Variants in GPX5 observed in about 807,000 individuals in gnomAD.
GPX5 encodes the protein glutathione peroxidase 5.
In GPX5, 20 loss-of-function variants were observed where a neutral mutation model predicts 23.8. The observed-to-expected ratio is 0.84, with a 90% CI of 0.59 to 1.22. The LOEUF is 1.22. GPX5 is among the 50% of genes most tolerant of loss of function. The pLI is 0.00. For synonymous variants in GPX5, 92 were observed against 99.5 expected, an observed-to-expected ratio of 0.92 and a Z score of 0.45; for missense variants, 230 against 266.6, an observed-to-expected ratio of 0.86 and a Z score of 0.96.
At position 28,531,867 on chromosome 6, in the gene GPX5, G is replaced by C; in HGVS notation, c.331G>C (p.Asp111His). 6.2e-7 allele frequency: 1 copy of C among 1,613,518 alleles called. No homozygotes were observed. Among genetic ancestry groups the C allele is most frequent in the Non-Finnish European group, 8.5e-7 (1 of 1,179,488 alleles). ...CCAATTTGGAAAGCAAGAACCAGGA[G>C]ATAACAAAGAGATTCTTCCTGGGCT... is the stretch of plus-strand genomic sequence containing the variant. ...CNQFGKQEPG[D>H]NKEILPGLKY... The change falls in exon 3 of 5, where the codon GAT (aspartate) becomes CAT (histidine). Residue 111 changes from aspartate (D) to histidine (H), a missense_variant. By Grantham distance (81) the Asp-to-His change is moderately conservative (BLOSUM62 -1). Transcript: ENST00000412168.
chr6:28,528,608 G>A (rs1294224402), intron 1 of GPX5: 1 of 151,972 alleles, frequency 6.6e-6, no homozygotes, highest in East Asian at 1.9e-4. Context: ...AAGCATGTAA[G>A]GCAAGTGTGC....
chr6:28,526,581 G>GAA (rs28382591), intron 1 of GPX5, among the ~76,000 whole-genome samples: 1 of 149,858 alleles, frequency 6.7e-6, no homozygotes, highest in African/African-American at 2.4e-5. Flanking sequence ...CATAAAACAT[G>GAA]AAAAAAAAAA....
Position 28,526,810 on chromosome 6 carries a change from A to G in GPX5, c.87+710A>G, listed in dbSNP as rs920451819. On this transcript the variant is annotated intron_variant, in intron 1 of 4. Transcript: ENST00000412168. ...ACTTTCATTTACATAATGGGTTACC[A>G]CTTTTGACTTTGGACAAATTAACCT... Among the ~76,000 whole-genome samples, 4 of 152,342 alleles carry G rather than the reference A, an allele frequency of 2.6e-5. No individual in the cohort carries two copies. In the South Asian group the frequency reaches 8.3e-4, roughly 32 times the overall value.
rs1202173686 is a variant in GPX5 at position 28,531,788 on chromosome 6, A to G, written c.252A>G (p.Ala84=). The G allele has an allele frequency of 6.2e-7, 1 of 1,607,302 alleles. No individual in the cohort carries two copies. The highest frequency in any genetic ancestry group is 1.1e-5 in the South Asian group (1 of 90,204). The part of the protein sequence containing the change: ...GLTAQYPELN[A]LQEELKPYGL... ...CTCCTCTAACTGCAGAACTAAATGC[A>G]CTCCAGGAGGAGCTGAAGCCCTATG... is the stretch of plus-strand genomic sequence containing the variant. Residue 84 remains alanine, a synonymous_variant, in exon 3 of 5, where the codon GCA becomes GCG. Transcript: ENST00000412168.
chr6:28,531,389 A>AAAAAAGAAAAG (rs1763315872), intron 2 of GPX5, among the ~76,000 whole-genome samples: 2 of 69,570 alleles, frequency 2.9e-5, no homozygotes, highest in African/African-American at 6.8e-5. Context: ...AAAAAAAAAA[A>AAAAAAGAAAAG]AAAAGAAAAG....
chr6:28,529,563 T>C lies in GPX5; in HGVS notation c.200T>C (p.Val67Ala). The C allele has an allele frequency of 6.2e-7, 1 of 1,612,644 alleles. No individual in the cohort carries two copies. Among genetic ancestry groups the C allele is most frequent in the Non-Finnish European group, 8.5e-7 (1 of 1,178,986 alleles). Residue 67 changes from valine to alanine, a missense_variant, in exon 2 of 5, where the codon GTC (valine) becomes GCC (alanine). Coordinates refer to ENST00000412168, the MANE Select transcript of GPX5 (RefSeq NM_001509.3). The stretch of plus-strand genomic sequence containing the variant: ...TATGTGGGCAAGCACATCCTCTTCG[T>C]CAACGTGGCCACCTACTGTGGTCTG... ...KQYVGKHILF[V>A]NVATYCGLTA... is the part of the protein sequence containing the mutation.
chr6:28,533,787 ATAT>A (rs1391494758), intron 4 of GPX5, among the ~76,000 whole-genome samples, 171 bp from the exon 5 acceptor site: 2 of 152,188 alleles, frequency 1.3e-5, no homozygotes, highest in Non-Finnish European at 2.9e-5. Context: ...AATATCTATA[ATAT>A]TCTTGGTAGT....
intron 2 of GPX5, among the ~76,000 whole-genome samples, chr6:28,531,222 T>C (rs1170892908): frequency 7.4e-6 from 1 of 135,580 alleles, no homozygotes; most frequent in African/African-American, 2.8e-5. Flanking sequence ...TACAGAAATA[T>C]TAGCTGGGCA....
Position 28,532,378 on chromosome 6 carries a change from T to C in GPX5, c.417T>C (p.Asp139=), listed in dbSNP as rs565977318. The C allele has an allele frequency of 1.8e-5, 29 of 1,594,820 alleles. No homozygotes were observed. The South Asian group carries it at 3.2e-4, about 18-fold the overall frequency. Residue 139 remains aspartate, a synonymous_variant, in exon 4 of 5, where the codon GAT becomes GAC. Coordinates refer to ENST00000412168, the MANE Select transcript of GPX5 (RefSeq NM_001509.3). ...VPSFQLFEKG[D]VNGEKEQKVF... ...GTTTCCAGCTTTTTGAGAAAGGGGA[T>C]GTGAATGGTGAAAAAGAACAGAAAG...
chr6:28,528,837 A>G lies in GPX5; in HGVS notation c.88-614A>G, dbSNP rs1232109941. Among the ~76,000 whole-genome samples the G allele has an allele frequency of 0.024, 25 of 1,056 alleles. 2 individuals are homozygous for G. The South Asian group carries it at 0.33, about 14-fold the overall frequency. The allele number at this position is 1,056 out of a possible 152,430, so 0.7% of individuals were successfully genotyped here. ...TGTATATATATATATATATATATAT[A>G]TATATATATATATATATATATATAT... On this transcript the variant is annotated intron_variant, in intron 1 of 4. Coordinates refer to ENST00000412168, the MANE Select transcript of GPX5 (RefSeq NM_001509.3).
Position 28,525,906 on chromosome 6 carries a change from G to A in GPX5, c.-108G>A. ...ATGCGTCGGGAATCCTTGCAGCCCT[G>A]TGACTGGCCTGTGGGGGCTTGGGCT... On this transcript the variant is annotated 5_prime_UTR_variant, in exon 1 of 5. It adds an upstream start codon to the 5' untranslated region. Transcript: ENST00000412168. The A allele has an allele frequency of 1.3e-6, 1 of 799,596 alleles. No individual in the cohort carries two copies. Among genetic ancestry groups the A allele is most frequent in the South Asian group, 1.5e-5 (1 of 66,556 alleles). The allele number at this position is 799,596 out of a possible 1,614,324, so 49.5% of individuals were successfully genotyped here. A position where few individuals can be genotyped will look rare whatever the true frequency, so the allele number is the denominator to read the frequency against.
intron 3 of GPX5, 111 bp downstream of exon 3, chr6:28,532,006 G>C: frequency 1.3e-6 from 1 of 795,784 alleles, no homozygotes; most frequent in Non-Finnish European, 2.1e-6. Context: ...ATAGGCTCAG[G>C]GGCATTACAA....
chr6:28,533,482 C>T (rs1489414529), intron 4 of GPX5, among the ~76,000 whole-genome samples: 1 of 152,134 alleles, frequency 6.6e-6, no homozygotes, highest in Non-Finnish European at 1.5e-5. Flanking sequence ...AATTATGACC[C>T]ACACGCAGTT....
intron 2 of GPX5, among the ~76,000 whole-genome samples, chr6:28,531,388 AAAAAAGAAAAGAAAAGAAAAG>A (rs1317655977): frequency 2.9e-5 from 2 of 69,716 alleles, no homozygotes; most frequent in African/African-American, 1.2e-4. Flanking sequence ...AAAAAAAAAA[AAAAAAGAAAAGAAAAGAAAAG>A]AAAAGAAAAG....
chr6:28,533,252 A>T (rs983161248), intron 4 of GPX5, among the ~76,000 whole-genome samples: 3 of 152,228 alleles, frequency 2.0e-5, no homozygotes, highest in Non-Finnish European at 4.4e-5. Flanking sequence ...ACCAAAGTGA[A>T]TTGTTCCTAA....
intron 1 of GPX5, among the ~76,000 whole-genome samples, chr6:28,527,516 GT>G (rs1763233759): frequency 6.6e-6 from 1 of 152,106 alleles, no homozygotes; most frequent in African/African-American, 2.4e-5. Flanking sequence ...GTTGTGTTTT[GT>G]TTTGCTTTGT....
rs545532101 is a variant in GPX5 at position 28,534,756 on chromosome 6, T to C, written c.*589T>C. On this transcript the variant is annotated 3_prime_UTR_variant, in exon 5 of 5. Coordinates refer to ENST00000412168, the MANE Select transcript of GPX5 (RefSeq NM_001509.3). ...AAAGAAGAGAGGGCATCTCCATGCT[T>C]GTGGGACCCAAAACCTATCTCTGGC... The C allele has an allele frequency of 6.6e-6, 1 of 152,386 alleles. No individual in the cohort carries two copies. Among genetic ancestry groups the C allele is most frequent in the East Asian group, 1.9e-4 (1 of 5,186 alleles). The allele number at this position is 152,386 out of a possible 1,614,324, so 9.4% of individuals were successfully genotyped here. A position where few individuals can be genotyped will look rare whatever the true frequency, so the allele number is the denominator to read the frequency against.
intron 2 of GPX5, among the ~76,000 whole-genome samples, chr6:28,531,382 AAAAAAAAAAAAGAAAAG>A (rs1484173394): frequency 4.5e-5 from 6 of 134,084 alleles, no homozygotes; most frequent in East Asian, 4.9e-4. Flanking sequence ...AAAAAAAAAA[AAAAAAAAAAAAGAAAAG>A]AAAAGAAAAG....
rs4624865 is a variant in GPX5 at position 28,525,919 on chromosome 6, G to T, written c.-95G>T. 1 of 887,512 alleles carries T rather than the reference G, an allele frequency of 1.1e-6. No homozygotes were observed. Among genetic ancestry groups the T allele is most frequent in the Non-Finnish European group, 1.9e-6 (1 of 532,020 alleles). The allele number at this position is 887,512 out of a possible 1,614,324, so 55.0% of individuals were successfully genotyped here. On this transcript the variant is annotated 5_prime_UTR_variant, in exon 1 of 5. Coordinates refer to ENST00000412168, the MANE Select transcript of GPX5 (RefSeq NM_001509.3). ...CCTTGCAGCCCTGTGACTGGCCTGT[G>T]GGGGCTTGGGCTAAGTCCCTGCCAA...
Sources: gnomAD v4.1 joint callset for allele counts (sites outside exome capture counted in the v4.1 genomes callset) on GRCh38, gnomAD v4.1.1 for gene constraint, MANE v1.5 for transcripts, NCBI Gene and HGNC (gene_info 2026-07-23, HGNC 2026-07-21) for gene names.